GAP43: variants seen among roughly 807,000 people sequenced by gnomAD.
The protein encoded by GAP43 is neuromodulin.
Under a neutral mutation model 18.6 loss-of-function variants are expected in GAP43, and 6 were observed. The observed-to-expected ratio is 0.32, with a 90% CI of 0.18 to 0.64. GAP43 has a LOEUF of 0.64. GAP43 is among the 30% of genes least tolerant of loss of function. The pLI is 0.78. For synonymous variants in GAP43, 115 were observed against 111.4 expected, an observed-to-expected ratio of 1.03 and a Z score of -0.20; for missense variants, 292 against 295.5, an observed-to-expected ratio of 0.99 and a Z score of 0.09.
At chr3:115,705,212 G>A (rs824352) in intron 2 of GAP43, among the ~76,000 whole-genome samples, 67,448 of 151,936 alleles carry the variant, frequency 0.44, 15,578 homozygotes, top group African/African-American at 0.56. Context: ...TACCCAAGCA[G>A]TAGATATAAA....
chr3:115,711,713 A>G (rs1484099788), intron 2 of GAP43, among the ~76,000 whole-genome samples: 1 of 152,120 alleles, frequency 6.6e-6, no homozygotes, highest in Non-Finnish European at 1.5e-5. Flanking sequence ...CCCCCAAACA[A>G]ACTGAAGCAA....
chr3:115,687,346 T>A (rs1026331686), intron 2 of GAP43, among the ~76,000 whole-genome samples: 9 of 152,214 alleles, frequency 5.9e-5, no homozygotes, highest in Non-Finnish European at 1.3e-4. Flanking sequence ...GTATTACTTA[T>A]AAGGTCAACA....
intron 2 of GAP43, among the ~76,000 whole-genome samples, chr3:115,696,256 C>T (rs2107362143): frequency 6.6e-6 from 1 of 152,250 alleles, no homozygotes; most frequent in African/African-American, 2.4e-5. Context: ...TCCCGTCTTT[C>T]TCATCTCAGG....
At chr3:115,638,696 T>C (rs932831422) in intron 1 of GAP43, among the ~76,000 whole-genome samples, 3 of 151,956 alleles carry the variant, frequency 2.0e-5, no homozygotes, top group African/African-American at 7.2e-5. Flanking sequence ...CCTTTCTCTC[T>C]TTCTAAACAC....
chr3:115,653,214 C>A (rs1446818223), intron 1 of GAP43, among the ~76,000 whole-genome samples: 1 of 152,004 alleles, frequency 6.6e-6, no homozygotes, highest in Non-Finnish European at 1.5e-5. Context: ...CTGAGGGGGG[C>A]AGATAACTTG....
intron 2 of GAP43, among the ~76,000 whole-genome samples, chr3:115,677,009 T>C (rs1423619279): frequency 1.3e-5 from 2 of 152,200 alleles, no homozygotes; most frequent in Non-Finnish European, 2.9e-5. Flanking sequence ...ATGTGATTAT[T>C]TGGCTCTAGA....
At position 115,644,447 on chromosome 3, in the gene GAP43, T is replaced by A. The variant is rs1708434464; in HGVS notation, c.30+20728T>A. 6.6e-6 allele frequency among the ~76,000 whole-genome samples: 1 copy of A among 152,030 alleles called. No individual in the cohort carries two copies. Among genetic ancestry groups the A allele is most frequent in the Admixed American group, 6.6e-5 (1 of 15,242 alleles). On this transcript the variant is annotated intron_variant, in intron 1 of 2. Coordinates refer to ENST00000305124, the MANE Select transcript of GAP43 (RefSeq NM_002045.4). This position sits in a 1 kb window ranked among gnomAD's most constrained non-coding sequence, Gnocchi z 4.2. The stretch of plus-strand genomic sequence containing the variant: ...CAATAAGTCAGTCACCGTGAAGCAT[T>A]CTAAGCACTGAATAAGACAGAGCAT...
rs148993994 is a variant in GAP43, at chr3:115,679,685, A to T, written c.628+3075A>T. 2.0e-5 allele frequency among the ~76,000 whole-genome samples: 3 copies of T among 152,264 alleles called. No homozygotes were observed. The East Asian group carries it at 5.8e-4, about 29-fold the overall frequency. On this transcript the variant is annotated intron_variant, in intron 2 of 2. Transcript: ENST00000305124. ...GCTCTCAATGAAGGAATTCTCTCTT[A>T]CGTCTCCTCTTCTCCATGGTAGCCT...
rs2107483989 is a variant in GAP43 at position 115,666,467 on chromosome 3, A to AAAT, written c.31-9546_31-9545insAAT. On this transcript the variant is annotated intron_variant, in intron 1 of 2. Transcript: ENST00000305124. ...CAACATGCCTTAACTTAATGTCACGATGCTCTAGAAATTACTCTGAGAGAA... is the reference window on the plus strand; with the variant it reads ...CAACATGCCTTAACTTAATGTCACGAAATTGCTCTAGAAATTACTCTGAGAGAA... Among the ~76,000 whole-genome samples, 3 of 152,304 alleles carry AAAT rather than the reference A, an allele frequency of 2.0e-5. No homozygotes were observed. The South Asian group carries it at 6.2e-4, about 32-fold the overall frequency.
chr3:115,665,822 C>G (rs1426990663), intron 1 of GAP43, among the ~76,000 whole-genome samples: 2 of 152,158 alleles, frequency 1.3e-5, no homozygotes, highest in Non-Finnish European at 2.9e-5. Context: ...TAGTCCCCTA[C>G]AAATGTCTGG....
intron 2 of GAP43, among the ~76,000 whole-genome samples, chr3:115,680,431 C>G (rs1708947289): frequency 6.6e-6 from 1 of 152,154 alleles, no homozygotes; most frequent in Non-Finnish European, 1.5e-5. Flanking sequence ...GTACTCCAGC[C>G]TGGGTGACAG....
intron 1 of GAP43, among the ~76,000 whole-genome samples, chr3:115,631,792 T>A (rs556325403): frequency 6.6e-6 from 1 of 152,264 alleles, no homozygotes; most frequent in South Asian, 2.1e-4. Flanking sequence ...GGCTCACTTT[T>A]GAATTTTTAG....
intron 1 of GAP43, among the ~76,000 whole-genome samples, chr3:115,625,277 T>G (rs565762284): frequency 2.6e-4 from 38 of 143,846 alleles, no homozygotes; most frequent in Non-Finnish European, 4.9e-4. Flanking sequence ...AAAAGTCGGA[T>G]AGTGGGGGAT....
At chr3:115,660,673 C>CT (rs1708646934) in intron 1 of GAP43, among the ~76,000 whole-genome samples, 1 of 152,186 alleles carries the variant, frequency 6.6e-6, no homozygotes, top group Admixed American at 6.5e-5. Flanking sequence ...TGTGTTTAGT[C>CT]TGAGTGTTGT....
chr3:115,688,878 T>C (rs572936901), intron 2 of GAP43, among the ~76,000 whole-genome samples: 71 of 152,350 alleles, frequency 4.7e-4, no homozygotes, highest in African/African-American at 1.5e-3. Flanking sequence ...GCCTACTTTT[T>C]GCAATCTGAA....
At chr3:115,653,800 A>G (rs1559792807) in intron 1 of GAP43, among the ~76,000 whole-genome samples, 1 of 152,188 alleles carries the variant, frequency 6.6e-6, no homozygotes, top group Non-Finnish European at 1.5e-5. Flanking sequence ...ATCCAAATGT[A>G]GGTATTGCTA....
chr3:115,719,880 G>A (rs1709555373), intron 2 of GAP43, among the ~76,000 whole-genome samples: 1 of 152,136 alleles, frequency 6.6e-6, no homozygotes, highest in Non-Finnish European at 1.5e-5. Context: ...CCACAAGCTA[G>A]CATATTAGTA....
At chr3:115,698,504 A>G (rs1157767561) in intron 2 of GAP43, among the ~76,000 whole-genome samples, 1 of 150,430 alleles carries the variant, frequency 6.6e-6, no homozygotes, top group Non-Finnish European at 1.5e-5. Flanking sequence ...CTGTGAGACA[A>G]ACAAATCTAA....
intron 1 of GAP43, among the ~76,000 whole-genome samples, chr3:115,655,016 A>G (rs1418163710): frequency 1.3e-5 from 2 of 152,230 alleles, no homozygotes; most frequent in African/African-American, 4.8e-5. Flanking sequence ...GATACTGGGC[A>G]AATCTCCACA....
Sources: allele counts gnomAD v4.1 joint callset (sites outside exome capture counted in the v4.1 genomes callset), GRCh38; gene constraint gnomAD v4.1.1; non-coding constraint Gnocchi (gnomAD v3.1); transcripts MANE v1.5; gene names NCBI Gene and HGNC (gene_info 2026-07-23, HGNC 2026-07-21).